Variants in PRKDC observed in about 807,000 individuals in gnomAD.
PRKDC encodes DNA-dependent protein kinase catalytic subunit.
In PRKDC, 82 loss-of-function variants were observed where a neutral mutation model predicts 486.9. The observed-to-expected ratio is 0.17, with a 90% CI of 0.14 to 0.20. The LOEUF (loss-of-function observed/expected upper bound fraction) is 0.20. Ranked by LOEUF, PRKDC falls within the 10% of genes least tolerant of loss-of-function variation. The pLI is 1.00. For synonymous variants in PRKDC, 1,895 were observed against 1,837.0 expected, an observed-to-expected ratio of 1.03 and a Z score of -0.81; for missense variants, 4,504 against 5,038.2, an observed-to-expected ratio of 0.89 and a Z score of 3.21.
chr8:47,960,004 T>C lies in PRKDC; in HGVS notation c.123A>G (p.Glu41=), dbSNP rs572358850. ...GHQLIRGLGQ[E]CVLSSSPAVL... ...CCGCGGGGCTGCTGCTCAGGACGCA[T>C]TCCTGCCCCAGGCCGCGGATCAGTT... Residue 41 remains glutamate, a synonymous_variant, in exon 1 of 86, where the codon GAA becomes GAG. Transcript: ENST00000314191. The C allele has an allele frequency of 4.6e-6, 7 of 1,525,636 alleles. No individual in the cohort carries two copies. Among genetic ancestry groups the C allele is most frequent in the South Asian group, 1.2e-5 (1 of 83,808 alleles). 94.5% of individuals were successfully genotyped at this position (1,525,636 alleles called of 1,614,324 possible).
At chr8:47,916,975 G>A (rs2154502951) in intron 22 of PRKDC, among the ~76,000 whole-genome samples, 1 of 152,226 alleles carries the variant, frequency 6.6e-6, no homozygotes, top group South Asian at 2.1e-4. Flanking sequence ...CAAAAATTTT[G>A]GCAAAGCACA....
At chr8:47,843,045 G>A (rs1293191591) in intron 54 of PRKDC, among the ~76,000 whole-genome samples, 2 of 152,112 alleles carry the variant, frequency 1.3e-5, no homozygotes, top group African/African-American at 2.4e-5. Context: ...CATGCCTGTG[G>A]TCCCAGCTCC....
chr8:47,848,837 T>C (rs537319157), intron 54 of PRKDC, among the ~76,000 whole-genome samples: 6 of 152,184 alleles, frequency 3.9e-5, no homozygotes, highest in South Asian at 2.1e-4. Context: ...CCTGGCAAAA[T>C]AGGTACAGAA....
In PRKDC at chr8:47,826,686, G is replaced by C; in HGVS notation, c.8753C>G (p.Pro2918Arg). 6.2e-7 allele frequency: 1 copy of C among 1,612,958 alleles called. No homozygotes were observed. Reference protein sequence around the residue: ...KRVRGKARLPPDVLRWVELAK... With the variant: ...KRVRGKARLPRDVLRWVELAK... ...AAGCTCCACCCATCTGAGGACATCA[G>C]GAGGGAGGCGGGCCTTCCCACGGAC... is the stretch of plus-strand genomic sequence containing the variant. The change falls in exon 63 of 86, where the codon CCT (proline) becomes CGT (arginine). Residue 2918 changes from proline to arginine, a missense_variant. Transcript: ENST00000314191.
chr8:47,881,908 A>G lies in PRKDC; in HGVS notation c.4962+4T>C. On this transcript the variant is annotated splice_donor_region_variant and intron_variant, in intron 37 of 85. Coordinates refer to ENST00000314191, the MANE Select transcript of PRKDC (RefSeq NM_006904.7). ...CATGACTGCTTTTTAAAGGAATTGAATACCTGTAAAATTTTTGCCAGTAAG... is the reference window on the plus strand; with the variant it reads ...CATGACTGCTTTTTAAAGGAATTGAGTACCTGTAAAATTTTTGCCAGTAAG... 1.9e-6 allele frequency: 3 copies of G among 1,600,780 alleles called. No individual in the cohort carries two copies. The highest frequency in any genetic ancestry group is 1.7e-6 in the Non-Finnish European group (2 of 1,172,066).
At chr8:47,853,997 T>C (rs2088476685) in intron 51 of PRKDC, 86 bp downstream of exon 51, 2 of 1,520,286 alleles carry the variant, frequency 1.3e-6, no homozygotes, top group Middle Eastern at 1.7e-4. Context: ...GTCTGGTCCT[T>C]AAAATTATCA....
At chr8:47,823,806 GA>G (rs2087662874) in intron 64 of PRKDC, 51 bp downstream of exon 64, 1 of 1,601,048 alleles carries the variant, frequency 6.2e-7, no homozygotes, top group Admixed American at 1.7e-5. Flanking sequence ...TAGTTCAGCA[GA>G]AAACAAAAGT....
chr8:47,889,409 C>T (rs920161057), intron 32 of PRKDC, among the ~76,000 whole-genome samples, 187 bp from the exon 33 acceptor site: 3 of 152,210 alleles, frequency 2.0e-5, no homozygotes, highest in African/African-American at 4.8e-5. Context: ...CAACTCCTTA[C>T]GCGTCTGATA....
Position 47,930,665 on chromosome 8 carries a change from C to T in PRKDC, c.1892+7G>A, listed in dbSNP as rs1305011327. 1.9e-6 allele frequency: 3 copies of T among 1,551,030 alleles called. No individual in the cohort carries two copies. The highest frequency in any genetic ancestry group is 1.7e-6 in the Non-Finnish European group (2 of 1,147,294). ...CATTCTTAAATAATTAGAATTTTACCAAATACCTGCAAAATTCCACCAGGT... is the reference window on the plus strand; with the variant it reads ...CATTCTTAAATAATTAGAATTTTACTAAATACCTGCAAAATTCCACCAGGT... On this transcript the variant is annotated splice_region_variant and intron_variant, in intron 17 of 85. Transcript: ENST00000314191.
intron 16 of PRKDC, 60 bp from the exon 17 acceptor site, chr8:47,930,847 A>G: frequency 6.8e-7 from 1 of 1,463,074 alleles, no homozygotes; most frequent in South Asian, 1.3e-5. Flanking sequence ...CACTCAACAA[A>G]TAACTTTCCA....
chr8:47,927,558 A>G (rs373726461), intron 20 of PRKDC, among the ~76,000 whole-genome samples: 5 of 152,208 alleles, frequency 3.3e-5, no homozygotes, highest in African/African-American at 1.2e-4. Flanking sequence ...TTCAAGGCAC[A>G]CAGGTTTAAC....
chr8:47,817,664 T>A, intron 67 of PRKDC, 103 bp from the exon 68 acceptor site: 3 of 705,936 alleles, frequency 4.2e-6, no homozygotes, highest in Admixed American at 5.8e-5. Context: ...CCTGCCCAAA[T>A]TACAAAAAAG....
At position 47,849,215 on chromosome 8, in the gene PRKDC, C is replaced by T. The variant is rs750792737; in HGVS notation, c.7219G>A (p.Gly2407Arg). ...CLEVVLCRVEGMTELYFQLKS... is the reference protein window; with the variant it reads ...CLEVVLCRVERMTELYFQLKS... ...AACTGGAAGTACAGCTCTGTCATTC[C>T]CTCCACACGACAAAGTACCACCTCC... is the stretch of plus-strand genomic sequence containing the variant. Residue 2407 changes from glycine (G) to arginine (R), a missense_variant, in exon 54 of 86, where the codon GGA (glycine) becomes AGA (arginine). Physicochemically the swap from Gly to Arg is moderately radical, Grantham distance 125. This residue lies in a region of PRKDC where 1,592 missense variants were observed against 1,724.6 expected (regional missense o/e 0.92). Transcript: ENST00000314191. 1 of 1,614,026 alleles carries T rather than the reference C, an allele frequency of 6.2e-7. No homozygotes were observed. Among genetic ancestry groups the T allele is most frequent in the South Asian group, 1.1e-5 (1 of 91,086 alleles).
Position 47,893,165 on chromosome 8 carries a change from C to G in PRKDC, c.3821G>C (p.Arg1274Thr). The G allele has an allele frequency of 1.9e-6, 3 of 1,611,984 alleles. No homozygotes were observed. The highest frequency in any genetic ancestry group is 2.5e-6 in the Non-Finnish European group (3 of 1,178,516). Residue 1274 changes from arginine to threonine, a missense_variant, in exon 31 of 86, where the codon AGA (arginine) becomes ACA (threonine). Physicochemically the swap from Arg to Thr is moderately conservative, Grantham distance 71. Transcript: ENST00000314191. Reference sequence around the variant, plus strand: ...TAGGACCTGGAGCGCTCCTACAGTTCTCTCGCCAATGAACGTGTTGTAGCA... The same window carrying G: ...TAGGACCTGGAGCGCTCCTACAGTTGTCTCGCCAATGAACGTGTTGTAGCA... The part of the protein sequence containing the change: ...LECYNTFIGE[R>T]TVGALQVLGT...
chr8:47,875,435 T>A (rs1451286651), intron 40 of PRKDC, among the ~76,000 whole-genome samples: 5 of 152,238 alleles, frequency 3.3e-5, no homozygotes, highest in Non-Finnish European at 7.3e-5. Context: ...TTTTTCTGTT[T>A]CCTATTCCCT....
chr8:47,916,935 G>A (rs77249832), intron 22 of PRKDC, among the ~76,000 whole-genome samples: 1,681 of 152,282 alleles, frequency 0.011, 16 homozygotes, highest in Middle Eastern at 0.02. Flanking sequence ...GAGAACCATA[G>A]TGCTAAGGAA....
chr8:47,955,984 T>C, intron 3 of PRKDC, 36 bp from the exon 4 acceptor site: 4 of 1,440,440 alleles, frequency 2.8e-6, no homozygotes, highest in Non-Finnish European at 1.9e-6. Context: ...AAATCATCAA[T>C]AAGATATAAA....
Position 47,798,408 on chromosome 8 carries a change from C to T in PRKDC, c.10298-11G>A. On this transcript the variant is annotated splice_polypyrimidine_tract_variant and intron_variant, in intron 72 of 85. Coordinates refer to ENST00000314191, the MANE Select transcript of PRKDC (RefSeq NM_006904.7). ...CTGCAGAATCAATAACTATCAAGGA[C>T]ACCAAAGAAGAAAGCAATGGTCAAT... 1 of 1,569,916 alleles carries T rather than the reference C, an allele frequency of 6.4e-7. No individual in the cohort carries two copies. The highest frequency in any genetic ancestry group is 8.6e-7 in the Non-Finnish European group (1 of 1,160,474).
At position 47,828,404 on chromosome 8, in the gene PRKDC, C is replaced by T. The variant is rs1029786476; in HGVS notation, c.8398-57G>A. The stretch of plus-strand genomic sequence containing the variant: ...GATCTGAAGCAAAAATGCTATAAAT[C>T]ACCAATACTATCAGAGCTTGGAAAA... On this transcript the variant is annotated intron_variant, in intron 61 of 85. Coordinates refer to ENST00000314191, the MANE Select transcript of PRKDC (RefSeq NM_006904.7). 4.3e-6 allele frequency: 6 copies of T among 1,381,150 alleles called. No individual in the cohort carries two copies. The African/African-American group carries it at 8.7e-5, about 20-fold the overall frequency. The allele number at this position is 1,381,150 out of a possible 1,614,324, so 85.6% of individuals were successfully genotyped here. A position where few individuals can be genotyped will look rare whatever the true frequency, so the allele number is the denominator to read the frequency against.
Sources: allele counts gnomAD v4.1 joint callset (sites outside exome capture counted in the v4.1 genomes callset), GRCh38; gene constraint gnomAD v4.1.1; regional missense constraint gnomAD v4.1.1; transcripts MANE v1.5; gene names NCBI Gene and HGNC (gene_info 2026-07-23, HGNC 2026-07-21).